The following ATP6V0A2 variants were observed in gnomAD, a reference collection of about 807,000 sequenced individuals.
ATP6V0A2 encodes ATPase H+ transporting V0 subunit a2.
ATP6V0A2 carries 58 observed loss-of-function variants against 104.4 expected under a neutral mutation model. The ratio of observed to expected loss-of-function variants is 0.56; its 90% CI spans 0.45 to 0.69. ATP6V0A2 has a LOEUF of 0.69. ATP6V0A2 is among the 30% of genes least tolerant of loss of function. The pLI is 0.00. For synonymous variants in ATP6V0A2, 376 were observed against 397.9 expected (o/e 0.95, Z 0.65); for missense variants, 938 against 1,062.9 (o/e 0.88, Z 1.63).
intron 19 of ATP6V0A2, 48 bp downstream of exon 19, chr12:123,757,034 G>GC (rs754711014): frequency 2.9e-5 from 46 of 1,595,866 alleles, no homozygotes; most frequent in Middle Eastern, 1.7e-4. Context: ...AAACATACCC[G>GC]CCCCCCCACT....
intron 17 of ATP6V0A2, among the ~76,000 whole-genome samples, chr12:123,752,641 AT>A (rs1257027662): frequency 6.6e-6 from 1 of 152,170 alleles, no homozygotes; most frequent in African/African-American, 2.4e-5. Context: ...CTGCTGTTAT[AT>A]TAAGAGTTAT....
Position 123,745,170 on chromosome 12 carries a change from A to G in ATP6V0A2, c.1605+198A>G, listed in dbSNP as rs146287665. Among the ~76,000 whole-genome samples the G allele has an allele frequency of 4.8e-3, 725 of 152,270 alleles. 4 individuals are homozygous for G. The highest frequency in any genetic ancestry group is 0.019 in the South Asian group (93 of 4,824). ...GGGGGGCCCTCCGTTTGGGAAGGTG[A>G]GGTCAGAGGAAGTCCTCAGAGAGCC... On this transcript the variant is annotated intron_variant, in intron 13 of 19. Coordinates refer to ENST00000330342, the MANE Select transcript of ATP6V0A2 (RefSeq NM_012463.4).
At chr12:123,752,440 GT>G in intron 17 of ATP6V0A2, 38 bp downstream of exon 17, 2 of 1,610,532 alleles carry the variant, frequency 1.2e-6, no homozygotes, top group Non-Finnish European at 1.7e-6. Context: ...ACTTAGATAA[GT>G]AACCAAGCTT....
At position 123,761,222 on chromosome 12, in the gene ATP6V0A2, A is replaced by G. The variant is rs1182469527; in HGVS notation, c.*3190A>G. The stretch of plus-strand genomic sequence containing the variant: ...GCGCCTGGCCCTCTGCAGTTGTTTA[A>G]TAAGGCACAGAATACCTGTAGCATA... On this transcript the variant is annotated 3_prime_UTR_variant, in exon 20 of 20. Transcript: ENST00000330342. The G allele has an allele frequency of 6.6e-6, 1 of 152,210 alleles. No individual in the cohort carries two copies. The highest frequency in any genetic ancestry group is 1.5e-5 in the Non-Finnish European group (1 of 68,062). The allele number at this position is 152,210 out of a possible 1,614,324, so 9.4% of individuals were successfully genotyped here.
At chr12:123,749,898 T>C (rs73420345) in intron 15 of ATP6V0A2, 10,687 of 152,306 alleles carry the variant, frequency 0.07, 843 homozygotes, top group African/African-American at 0.2. Flanking sequence ...TCACATTCTA[T>C]TGGGTGCTGG....
intron 1 of ATP6V0A2, among the ~76,000 whole-genome samples, chr12:123,714,992 G>A (rs1001461778): frequency 2.0e-5 from 3 of 152,192 alleles, no homozygotes; most frequent in African/African-American, 4.8e-5. Flanking sequence ...TGAGGCAGGA[G>A]AATCACTTGA....
Position 123,744,288 on chromosome 12 carries a change from T to C in ATP6V0A2, c.1277T>C (p.Leu426Pro), listed in dbSNP as rs1363341385. The C allele has an allele frequency of 6.2e-7, 1 of 1,614,114 alleles. No homozygotes were observed. The highest frequency in any genetic ancestry group is 1.3e-5 in the African/African-American group (1 of 74,938). ...GGCTTTGTGATGTTTTTATTTGCCC[T>C]CTTGTTGGTGTTAAATGAAAATCAT... Reference protein sequence around the residue: ...GHGFVMFLFALLLVLNENHPR... With the variant: ...GHGFVMFLFAPLLVLNENHPR... Residue 426 changes from leucine (L) to proline (P), a missense_variant, in exon 11 of 20, where the codon CTC becomes CCC. Physicochemically the swap from Leu to Pro is moderately conservative, Grantham distance 98. Transcript: ENST00000330342. The surrounding 1 kb of genome is among the most constrained non-coding windows in gnomAD (Gnocchi z 5.4).
At chr12:123,722,275 G>A (rs1290428010) in intron 2 of ATP6V0A2, 76 bp from the exon 3 acceptor site, 1 of 968,990 alleles carries the variant, frequency 1.0e-6, no homozygotes, top group African/African-American at 1.6e-5. Context: ...GGGAAACATT[G>A]GGCTTTAAAA....
rs1442605108 is a variant in ATP6V0A2 at position 123,735,589 on chromosome 12, G to A, written c.790G>A (p.Glu264Lys). 1.2e-6 allele frequency: 2 copies of A among 1,613,708 alleles called. No individual in the cohort carries two copies. The highest frequency in any genetic ancestry group is 1.3e-5 in the African/African-American group (1 of 74,800). ...NTAEERREIQ[E>K]GLNTRIQDLY... ...AGCCGAGGAGCGGAGGGAGATCCAG[G>A]AGGGGCTGAACACCCGCATCCAGGA... is the stretch of plus-strand genomic sequence containing the variant. The change falls in exon 8 of 20, where the codon GAG becomes AAG. Residue 264 changes from glutamate (E) to lysine (K), a missense_variant. Coordinates refer to ENST00000330342, the MANE Select transcript of ATP6V0A2 (RefSeq NM_012463.4).
chr12:123,718,647 C>T lies in ATP6V0A2; in HGVS notation c.142C>T (p.Gln48Ter). Residue 48 changes from glutamine (Q) to a stop codon, truncating the protein, a stop_gained, in exon 2 of 20, where the codon CAA (glutamine) becomes TAA (stop). Coordinates refer to ENST00000330342, the MANE Select transcript of ATP6V0A2 (RefSeq NM_012463.4). LOFTEE classifies it high-confidence loss of function. ...RDLNQNVSSF[Q>*]RKFVGEVKRC... ...GCTCAACCAGAACGTAAGTTCTTTC[C>T]AAAGAAAATTTGTTGGTGAGGTGAA... 1 of 1,612,566 alleles carries T rather than the reference C, an allele frequency of 6.2e-7. No homozygotes were observed. The highest frequency in any genetic ancestry group is 8.5e-7 in the Non-Finnish European group (1 of 1,179,282).
rs1280202506 is a variant in ATP6V0A2 at position 123,759,953 on chromosome 12, C to T, written c.*1921C>T. The T allele has an allele frequency of 6.6e-6, 1 of 152,184 alleles. No individual in the cohort carries two copies. Among genetic ancestry groups the T allele is most frequent in the Non-Finnish European group, 1.5e-5 (1 of 68,042 alleles). The allele number at this position is 152,184 out of a possible 1,614,324, so 9.4% of individuals were successfully genotyped here. A position where few individuals can be genotyped will look rare whatever the true frequency, so the allele number is the denominator to read the frequency against. ...TTCCCTAGAAAGGTGTCATGTCGGG[C>T]ACTTGTGTTGGGTGACTATGACATC... On this transcript the variant is annotated 3_prime_UTR_variant, in exon 20 of 20. Transcript: ENST00000330342.
At position 123,716,935 on chromosome 12, in the gene ATP6V0A2, G is replaced by C. The variant is rs117538796; in HGVS notation, c.118-1688G>C. On this transcript the variant is annotated intron_variant, in intron 1 of 19. Coordinates refer to ENST00000330342, the MANE Select transcript of ATP6V0A2 (RefSeq NM_012463.4). ...CCCCCCAGCACCCACTAATCTGCTT[G>C]CTGCCTCTAGGGTTGTCTGGACATT... is the stretch of plus-strand genomic sequence containing the variant. Among the ~76,000 whole-genome samples the C allele has an allele frequency of 5.3e-5, 8 of 152,024 alleles. No individual in the cohort carries two copies. The East Asian group carries it at 1.5e-3, about 29-fold the overall frequency.
rs1259983511 is a variant in ATP6V0A2 at position 123,760,402 on chromosome 12, C to T, written c.*2370C>T. The T allele has an allele frequency of 6.6e-6, 1 of 152,180 alleles. No individual in the cohort carries two copies. The highest frequency in any genetic ancestry group is 1.5e-5 in the Non-Finnish European group (1 of 68,036). The allele number at this position is 152,180 out of a possible 1,614,324, so 9.4% of individuals were successfully genotyped here. The stretch of plus-strand genomic sequence containing the variant: ...TTATAGGGGCCACGGGAATTTGTTT[C>T]TCTATAAAGCGATGGGCTCCAGTGT... On this transcript the variant is annotated 3_prime_UTR_variant, in exon 20 of 20. Coordinates refer to ENST00000330342, the MANE Select transcript of ATP6V0A2 (RefSeq NM_012463.4).
chr12:123,729,833 TA>T (rs1012236800), intron 6 of ATP6V0A2, among the ~76,000 whole-genome samples: 1 of 152,002 alleles, frequency 6.6e-6, no homozygotes, highest in Non-Finnish European at 1.5e-5. Flanking sequence ...TTTACTTTTT[TA>T]GATGGAGTCT....
chr12:123,741,637 AT>A (rs1306209086), intron 9 of ATP6V0A2, among the ~76,000 whole-genome samples: 1 of 151,976 alleles, frequency 6.6e-6, no homozygotes, highest in East Asian at 1.9e-4. Context: ...AGTTATTTAT[AT>A]TTTTTTGTAG....
chr12:123,738,117 C>A (rs1013576344), intron 9 of ATP6V0A2, among the ~76,000 whole-genome samples: 1 of 152,034 alleles, frequency 6.6e-6, no homozygotes, highest in Non-Finnish European at 1.5e-5. Context: ...TGTTTAAGAG[C>A]CTTTTGGCTG....
At chr12:123,714,530 A>G (rs999421299) in intron 1 of ATP6V0A2, among the ~76,000 whole-genome samples, 1 of 152,168 alleles carries the variant, frequency 6.6e-6, no homozygotes, top group Non-Finnish European at 1.5e-5. Flanking sequence ...CCCTGAAGGG[A>G]AAGTTCGCAC....
intron 16 of ATP6V0A2, among the ~76,000 whole-genome samples, chr12:123,751,721 G>A (rs923204878): frequency 1.3e-5 from 2 of 152,084 alleles, no homozygotes; most frequent in East Asian, 1.9e-4. Flanking sequence ...GTGGAGACCC[G>A]CCCTGGTATG....
At chr12:123,724,881 A>G (rs1270942586) in intron 4 of ATP6V0A2, 90 bp downstream of exon 4, 1 of 1,040,300 alleles carries the variant, frequency 9.6e-7, no homozygotes. Flanking sequence ...TTTTGCTATT[A>G]GTTCATATAG....
Sources: gnomAD v4.1 joint callset for allele counts (sites outside exome capture counted in the v4.1 genomes callset) on GRCh38, gnomAD v4.1.1 for gene constraint, Gnocchi (gnomAD v3.1) non-coding constraint, MANE v1.5 for transcripts, NCBI Gene and HGNC (gene_info 2026-07-23, HGNC 2026-07-21) for gene names.